The following WRN variants were observed in gnomAD, a reference collection of about 807,000 sequenced individuals.
WRN encodes WRN RecQ like helicase, also known as bifunctional 3'-5' exonuclease/ATP-dependent helicase WRN.
Under a neutral mutation model 180.7 loss-of-function variants are expected in WRN, and 149 were observed. That is an observed-to-expected ratio of 0.82 (90% CI 0.72 to 0.94). The LOEUF (loss-of-function observed/expected upper bound fraction) is 0.94, where lower values mean the gene tolerates loss of function less well. Ranked by LOEUF, WRN falls within the 40% of genes least tolerant of loss-of-function variation. The pLI is 0.00. For synonymous variants in WRN, 548 were observed against 568.9 expected, an observed-to-expected ratio of 0.96 and a Z score of 0.52; for missense variants, 1,661 against 1,700.1, an observed-to-expected ratio of 0.98 and a Z score of 0.40.
chr8:31,107,675 A>T (rs1339997848), intron 18 of WRN, among the ~76,000 whole-genome samples: 1 of 152,230 alleles, frequency 6.6e-6, no homozygotes, highest in East Asian at 1.9e-4. Context: ...GACAACTGCT[A>T]TAAACCTGGA....
At chr8:31,039,723 C>CT (rs1563317060) in intron 1 of WRN, among the ~76,000 whole-genome samples, 2 of 151,982 alleles carry the variant, frequency 1.3e-5, no homozygotes, top group Non-Finnish European at 2.9e-5. Flanking sequence ...AGGAAATACC[C>CT]TTTTATTCCT....
At chr8:31,100,826 T>C (rs750832589) in intron 17 of WRN, 23 bp from the exon 18 acceptor site, 2 of 1,478,064 alleles carry the variant, frequency 1.4e-6, no homozygotes, top group African/African-American at 4.6e-5. Context: ...TCTTTTCCTT[T>C]ATGTGTTTTT....
At chr8:31,156,825 G>A (rs1803403898) in intron 32 of WRN, among the ~76,000 whole-genome samples, 1 of 152,182 alleles carries the variant, frequency 6.6e-6, no homozygotes, top group Non-Finnish European at 1.5e-5. Context: ...AGCCCTTGTG[G>A]AACTGTGGTT....
At chr8:31,148,505 T>C (rs1802956048) in intron 30 of WRN, among the ~76,000 whole-genome samples, 4 of 152,206 alleles carry the variant, frequency 2.6e-5, no homozygotes, top group Admixed American at 2.6e-4. Flanking sequence ...TGGTTTATCT[T>C]ACCTGGATTG....
rs752392526 is a variant in WRN at position 31,091,850 on chromosome 8, G to A, written c.1850G>A (p.Cys617Tyr). ...LQLKMSNIPACFLGSAQSENV... is the reference protein window; with the variant it reads ...LQLKMSNIPAYFLGSAQSENV... ...TATAGAATGTCCAACATCCCAGCTTGCTTCCTTGGATCAGCACAGTCAGAA... is the reference window on the plus strand; with the variant it reads ...TATAGAATGTCCAACATCCCAGCTTACTTCCTTGGATCAGCACAGTCAGAA... The change falls in exon 16 of 35, where the codon TGC (cysteine) becomes TAC (tyrosine). Residue 617 changes from cysteine to tyrosine, a missense_variant. Physicochemically the swap from Cys to Tyr is radical, Grantham distance 194. Transcript: ENST00000298139. The A allele has an allele frequency of 6.2e-7, 1 of 1,613,176 alleles. No individual in the cohort carries two copies.
intron 8 of WRN, among the ~76,000 whole-genome samples, chr8:31,079,881 C>CTT (rs112314448): frequency 6.8e-6 from 1 of 147,286 alleles, no homozygotes; most frequent in Admixed American, 6.8e-5. Flanking sequence ...AATTTTCTTT[C>CTT]TTTTTTTTTT....
At chr8:31,152,249 T>A (rs1008358306) in intron 31 of WRN, among the ~76,000 whole-genome samples, 2 of 151,700 alleles carry the variant, frequency 1.3e-5, no homozygotes, top group Non-Finnish European at 2.9e-5. Flanking sequence ...GAGAATGGCG[T>A]GAACCTGGGA....
At chr8:31,055,444 T>C (rs758094424) in intron 1 of WRN, among the ~76,000 whole-genome samples, 39 of 152,222 alleles carry the variant, frequency 2.6e-4, no homozygotes, top group Non-Finnish European at 4.9e-4. Context: ...CCATTCTGAC[T>C]GGCATGAGAG....
intron 4 of WRN, 143 bp downstream of exon 4, chr8:31,064,577 C>A: frequency 1.7e-6 from 2 of 1,200,406 alleles, no homozygotes; most frequent in Non-Finnish European, 2.4e-6. Flanking sequence ...ACCTGATTCA[C>A]TCACATTCCT....
intron 7 of WRN, among the ~76,000 whole-genome samples, chr8:31,070,402 A>G (rs1168138810): frequency 6.7e-6 from 1 of 149,940 alleles, no homozygotes; most frequent in Non-Finnish European, 1.5e-5. Context: ...AAGGATATTT[A>G]CACATTGTTT....
At chr8:31,077,743 T>C (rs1157862627) in intron 8 of WRN, among the ~76,000 whole-genome samples, 13 of 152,246 alleles carry the variant, frequency 8.5e-5, no homozygotes. Flanking sequence ...TCTGTTGAAG[T>C]CAATTAAAAT....
chr8:31,147,327 C>T lies in WRN; in HGVS notation c.3460-37C>T, dbSNP rs189473033. 3,204 of 1,591,066 alleles carry T rather than the reference C, an allele frequency of 2.0e-3. 10 individuals are homozygous for T. The highest frequency in any genetic ancestry group is 4.1e-3 in the South Asian group (370 of 90,430). On this transcript the variant is annotated intron_variant, in intron 29 of 34. Coordinates refer to ENST00000298139, the MANE Select transcript of WRN (RefSeq NM_000553.6). ...AATAAAGGACTAGATCTTTTAAGTA[C>T]ACTTTAAAAAGTGTTGTTTCTTTGT...
chr8:31,168,840 A>G (rs1803997742), intron 34 of WRN, among the ~76,000 whole-genome samples: 1 of 152,152 alleles, frequency 6.6e-6, no homozygotes, highest in African/African-American at 2.4e-5. Flanking sequence ...TCTTTTTATT[A>G]GTTGACGTAT....
At chr8:31,107,427 C>T (rs1449946769) in intron 18 of WRN, among the ~76,000 whole-genome samples, 5 of 152,098 alleles carry the variant, frequency 3.3e-5, no homozygotes, top group African/African-American at 7.2e-5. Flanking sequence ...TGGCCATGGA[C>T]GTCATTGGAT....
chr8:31,147,663 A>G (rs1182697424), intron 30 of WRN, among the ~76,000 whole-genome samples, 187 bp downstream of exon 30: 1 of 152,186 alleles, frequency 6.6e-6, no homozygotes, highest in Non-Finnish European at 1.5e-5. Context: ...AATAAAAACC[A>G]GTTACGTTTT....
At chr8:31,102,139 G>T (rs1293369657) in intron 18 of WRN, among the ~76,000 whole-genome samples, 2 of 152,228 alleles carry the variant, frequency 1.3e-5, no homozygotes, top group South Asian at 4.2e-4. Flanking sequence ...ATGTACATTT[G>T]TGTAACTACC....
chr8:31,105,922 C>G (rs564842164), intron 18 of WRN, among the ~76,000 whole-genome samples: 1 of 152,242 alleles, frequency 6.6e-6, no homozygotes, highest in East Asian at 1.9e-4. Context: ...AATATATGTA[C>G]ATATATATGT....
At chr8:31,158,187 T>C (rs1333537172) in intron 33 of WRN, among the ~76,000 whole-genome samples, 1 of 152,198 alleles carries the variant, frequency 6.6e-6, no homozygotes, top group African/African-American at 2.4e-5. Context: ...GACTCCTAGT[T>C]CTTCCCTAAA....
rs1426517431 is a variant in WRN, at chr8:31,167,061, A to G, written c.4022A>G (p.Glu1341Gly). ...KISLIRMLVP[E>G]NIDTYLIHMA... ...AGCCTAATCAGAATGTTAGTTCCTG[A>G]AAACATTGACACGTACCTTATCCAC... The change falls in exon 34 of 35, where the codon GAA becomes GGA. Residue 1341 changes from glutamate to glycine, a missense_variant. Physicochemically the swap from Glu to Gly is moderately conservative, Grantham distance 98 (BLOSUM62 -2). Coordinates refer to ENST00000298139, the MANE Select transcript of WRN (RefSeq NM_000553.6). 6.2e-7 allele frequency: 1 copy of G among 1,613,300 alleles called. No individual in the cohort carries two copies. The highest frequency in any genetic ancestry group is 1.1e-5 in the South Asian group (1 of 91,058).
Sources: allele counts gnomAD v4.1 joint callset (sites outside exome capture counted in the v4.1 genomes callset), GRCh38; gene constraint gnomAD v4.1.1; transcripts MANE v1.5; gene names NCBI Gene and HGNC (gene_info 2026-07-23, HGNC 2026-07-21).